The following DNM3 variants were observed in gnomAD, a reference collection of about 807,000 sequenced individuals.
The protein encoded by DNM3 is dynamin 3.
DNM3 carries 47 observed loss-of-function variants against 101.6 expected under a neutral mutation model. The observed-to-expected ratio is 0.46, with a 90% confidence interval of 0.37 to 0.59. DNM3 has a LOEUF of 0.59. DNM3 is among the 20% of genes least tolerant of loss of function. The probability of loss-of-function intolerance (pLI) is 0.00; values close to 1 mark genes in which losing one functional copy is unlikely to be tolerated. For synonymous variants in DNM3, 385 were observed against 387.9 expected (o/e 0.99, Z 0.09); for missense variants, 849 against 1,085.7 (o/e 0.78, Z 3.06).
chr1:171,911,752 G>C (rs534030495), intron 1 of DNM3, among the ~76,000 whole-genome samples: 1 of 152,250 alleles, frequency 6.6e-6, no homozygotes, highest in South Asian at 2.1e-4. Flanking sequence ...GCCTTAGCAG[G>C]GGAGGGGTTG....
intron 1 of DNM3, among the ~76,000 whole-genome samples, chr1:171,915,973 C>T (rs1263096484): frequency 6.6e-6 from 1 of 152,228 alleles, no homozygotes; most frequent in Non-Finnish European, 1.5e-5. Context: ...ACTTCCTGCT[C>T]TGTTGCTCAC....
chr1:172,357,144 A>C (rs1470929175), intron 17 of DNM3, among the ~76,000 whole-genome samples: 2 of 152,134 alleles, frequency 1.3e-5, no homozygotes, highest in South Asian at 4.1e-4. Flanking sequence ...GAGAAGATCA[A>C]AATTTAAAAA....
chr1:172,376,561 A>C (rs1443782061), intron 17 of DNM3: 1 of 152,086 alleles, frequency 6.6e-6, no homozygotes, highest in Non-Finnish European at 1.5e-5. Context: ...CACGTAAAAG[A>C]AAAATTCCAT....
intron 13 of DNM3, among the ~76,000 whole-genome samples, chr1:172,124,919 C>A (rs1445334200): frequency 6.6e-6 from 1 of 152,184 alleles, no homozygotes; most frequent in East Asian, 1.9e-4. Context: ...CTGTCTCAGG[C>A]ATGCCTTAGA....
chr1:171,985,710 A>G (rs1430351460), intron 2 of DNM3, among the ~76,000 whole-genome samples: 1 of 152,214 alleles, frequency 6.6e-6, no homozygotes, highest in Non-Finnish European at 1.5e-5. Context: ...TCATTCTAAC[A>G]TCCAAAAAGC....
intron 2 of DNM3, among the ~76,000 whole-genome samples, chr1:171,938,190 A>C (rs1454379802): frequency 1.3e-5 from 2 of 152,182 alleles, no homozygotes; most frequent in African/African-American, 2.4e-5. Context: ...CATCTAGCTC[A>C]GACACCAGCA....
intron 13 of DNM3, among the ~76,000 whole-genome samples, chr1:172,095,487 A>C (rs1216947548): frequency 1.3e-5 from 2 of 152,360 alleles, no homozygotes; most frequent in East Asian, 3.9e-4. Context: ...TACTTAGCAG[A>C]AATAAACCAT....
At chr1:172,317,374 G>C (rs1370375572) in intron 16 of DNM3, among the ~76,000 whole-genome samples, 1 of 151,588 alleles carries the variant, frequency 6.6e-6, no homozygotes, top group African/African-American at 2.4e-5. Context: ...CAGAAGGCAA[G>C]AAATAACTAA....
intron 9 of DNM3, among the ~76,000 whole-genome samples, chr1:172,044,653 A>G (rs1336655836): frequency 1.3e-5 from 2 of 152,196 alleles, no homozygotes; most frequent in African/African-American, 4.8e-5. Flanking sequence ...TGAAAAAGCA[A>G]AAACATTTTC....
intron 1 of DNM3, among the ~76,000 whole-genome samples, chr1:171,901,119 AAAAAAAAAAAAAG>A (rs1378866771): frequency 2.0e-5 from 3 of 148,580 alleles, no homozygotes; most frequent in East Asian, 2.0e-4. Context: ...TCTCAAAAAA[AAAAAAAAAAAAAG>A]AAAGAAATCT....
At chr1:171,927,569 G>T (rs1348900441) in intron 2 of DNM3, among the ~76,000 whole-genome samples, 1 of 152,216 alleles carries the variant, frequency 6.6e-6, no homozygotes, top group African/African-American at 2.4e-5. Context: ...ATATGTGAAT[G>T]TTCATTGTAG....
chr1:172,041,064 G>A (rs558135559), intron 7 of DNM3, among the ~76,000 whole-genome samples: 2 of 152,082 alleles, frequency 1.3e-5, no homozygotes, highest in South Asian at 4.2e-4. Flanking sequence ...AGTTTAGAGG[G>A]GTCACAAATC....
intron 1 of DNM3, among the ~76,000 whole-genome samples, chr1:171,858,679 C>T (rs891539603): frequency 6.6e-6 from 1 of 152,148 alleles, no homozygotes; most frequent in Non-Finnish European, 1.5e-5. Context: ...TCTCCTCATG[C>T]TCCTGATAAG....
At position 172,034,207 on chromosome 1, in the gene DNM3, A is replaced by G. The variant is rs145589353; in HGVS notation, c.849+942A>G. The stretch of plus-strand genomic sequence containing the variant: ...TTATAATTCCATTTTAAGAGGTACA[A>G]TACAGACTATTGTAAAGTTTATACT... On this transcript the variant is annotated intron_variant, in intron 6 of 20. Coordinates refer to ENST00000627582, the MANE Select transcript of DNM3 (RefSeq NM_015569.5). 3.6e-3 allele frequency among the ~76,000 whole-genome samples: 546 copies of G among 152,272 alleles called. 7 individuals are homozygous for G. The highest frequency in any genetic ancestry group is 0.013 in the African/African-American group (530 of 41,552).
chr1:172,417,864 A>T (rs529306430), intron 20 of DNM3, among the ~76,000 whole-genome samples: 25 of 152,330 alleles, frequency 1.6e-4, no homozygotes, highest in African/African-American at 4.6e-4. Flanking sequence ...ATTTCACAAC[A>T]TTCATTGAAA....
intron 4 of DNM3, among the ~76,000 whole-genome samples, chr1:172,024,190 T>G (rs2048039072): frequency 1.3e-5 from 2 of 152,278 alleles, no homozygotes; most frequent in Non-Finnish European, 2.9e-5. Flanking sequence ...TTTTTAAATT[T>G]TCACAAAAGT....
chr1:172,127,875 A>G (rs1420574796), intron 13 of DNM3, among the ~76,000 whole-genome samples: 2 of 152,038 alleles, frequency 1.3e-5, no homozygotes, highest in African/African-American at 4.8e-5. Context: ...CTCTGGGAAG[A>G]GCTCTCCCCA....
intron 10 of DNM3, among the ~76,000 whole-genome samples, chr1:172,052,661 C>T (rs1024864723): frequency 1.3e-5 from 2 of 152,092 alleles, no homozygotes; most frequent in Admixed American, 1.3e-4. Context: ...AAAGCTGGCA[C>T]TCCTCTCTCA....
At chr1:171,961,961 A>G (rs2043241766) in intron 2 of DNM3, among the ~76,000 whole-genome samples, 2 of 152,230 alleles carry the variant, frequency 1.3e-5, no homozygotes, top group African/African-American at 4.8e-5. Context: ...GAGAAGTGTA[A>G]GATCAAGGGA....
Sources: gnomAD v4.1 joint callset for allele counts (sites outside exome capture counted in the v4.1 genomes callset) on GRCh38, gnomAD v4.1.1 for gene constraint, MANE v1.5 for transcripts, NCBI Gene and HGNC (gene_info 2026-07-23, HGNC 2026-07-21) for gene names.